Variants in PLB1 observed in about 807,000 individuals in gnomAD.
PLB1 encodes phospholipase B1.
Under a neutral mutation model 227.4 loss-of-function variants are expected in PLB1, and 242 were observed. That is an observed-to-expected ratio of 1.06 (90% CI 0.96 to 1.18). The LOEUF (loss-of-function observed/expected upper bound fraction) is 1.18, where lower values mean the gene tolerates loss of function less well. Among genes scored for constraint, PLB1 ranks in the 50% most tolerant of loss-of-function variants. PLB1 has a pLI of 0.00. For missense variants in PLB1, 1,858 were observed against 1,816.3 expected, an observed-to-expected ratio of 1.02 and a Z score of -0.42; for synonymous variants, 757 against 682.2, an observed-to-expected ratio of 1.11 and a Z score of -1.71.
At chr2:28,516,905 G>T (rs1351610348) in intron 2 of PLB1, 36 bp downstream of exon 2, 10 of 1,595,246 alleles carry the variant, frequency 6.3e-6, no homozygotes, top group Non-Finnish European at 8.6e-6. Context: ...GCGTGTGTAT[G>T]GAGGGGAGAG....
At chr2:28,516,052 T>C (rs990594858) in intron 1 of PLB1, among the ~76,000 whole-genome samples, 3 of 152,204 alleles carry the variant, frequency 2.0e-5, no homozygotes, top group African/African-American at 7.2e-5. Flanking sequence ...GTGGGTGTTT[T>C]TTTCCGCTTT....
Position 28,519,672 on chromosome 2 carries a change from C to G in PLB1, c.185-33C>G, listed in dbSNP as rs183727150. ...GGCCGACATCATGGGGAATGTAGAT[C>G]TGACCTTCCTATATGGGTTCTTGTC... On this transcript the variant is annotated intron_variant, in intron 3 of 57. Coordinates refer to ENST00000327757, the MANE Select transcript of PLB1 (RefSeq NM_153021.5). 3 of 1,529,772 alleles carry G rather than the reference C, an allele frequency of 2.0e-6. No individual in the cohort carries two copies. The Admixed American group carries it at 5.0e-5, about 26-fold the overall frequency. The allele number at this position is 1,529,772 out of a possible 1,614,324, so 94.8% of individuals were successfully genotyped here.
intron 33 of PLB1, chr2:28,594,551 T>G (rs982400338): frequency 6.4e-6 from 1 of 156,772 alleles, no homozygotes; most frequent in African/African-American, 2.4e-5. Flanking sequence ...TCAGTTTGCT[T>G]CCTGGGGAAG....
In PLB1 at chr2:28,620,591, C is replaced by T. The variant is rs764229126; in HGVS notation, c.3384-9C>T. 17 of 1,612,414 alleles carry T rather than the reference C, an allele frequency of 1.1e-5. No individual in the cohort carries two copies. In the South Asian group the frequency reaches 1.7e-4, roughly 16 times the overall value. On this transcript the variant is annotated splice_polypyrimidine_tract_variant and intron_variant, in intron 47 of 57. Transcript: ENST00000327757. ...TGTGAGTTTAACAAATATGCTTTCT[C>T]CTCCCCAGCATTGGAGGGGATGGGA...
At chr2:28,623,295 CCA>C (rs1443180516) in intron 49 of PLB1, among the ~76,000 whole-genome samples, 1 of 151,624 alleles carries the variant, frequency 6.6e-6, no homozygotes, top group Admixed American at 6.6e-5. Context: ...ATCAGGGAGC[CCA>C]GAGAGGAGGC....
At chr2:28,531,669 T>G (rs1249527564) in intron 8 of PLB1, among the ~76,000 whole-genome samples, 1 of 152,216 alleles carries the variant, frequency 6.6e-6, no homozygotes, top group Non-Finnish European at 1.5e-5. Context: ...CCATGATAAT[T>G]ACATTTTTCA....
chr2:28,585,473 C>T (rs11690222), intron 25 of PLB1: 28,809 of 310,492 alleles, frequency 0.093, 1,496 homozygotes, highest in African/African-American at 0.11. Flanking sequence ...GACGGGGTTT[C>T]GCTATGTCAG....
chr2:28,514,973 C>T (rs949042557), intron 1 of PLB1, among the ~76,000 whole-genome samples: 1 of 152,120 alleles, frequency 6.6e-6, no homozygotes, highest in Non-Finnish European at 1.5e-5. Context: ...AGCCACCATG[C>T]CTTGCCACCT....
chr2:28,602,893 C>T lies in PLB1; in HGVS notation c.2746C>T (p.Pro916Ser), dbSNP rs778172356. The T allele has an allele frequency of 3.7e-6, 6 of 1,614,152 alleles. No homozygotes were observed. In the Admixed American group the frequency reaches 1.0e-4, roughly 27 times the overall value. Residue 916 changes from proline to serine, a missense_variant, in exon 39 of 58, where the codon CCA becomes TCA. Pro to Ser is a moderately conservative substitution (Grantham distance 74). Coordinates refer to ENST00000327757, the MANE Select transcript of PLB1 (RefSeq NM_153021.5). ...TIMRQVFLGN[P>S]DKCPVQQASV... ...CATGCGGCAGGTGTTCCTGGGAAAC[C>T]CAGACAAGTGCCCAGTGCAGCAGGC...
In PLB1 at chr2:28,591,136, C is replaced by A. The variant is rs1043428548; in HGVS notation, c.2092C>A (p.Gln698Lys). Residue 698 changes from glutamine to lysine, a missense_variant, in exon 30 of 58, where the codon CAG (glutamine) becomes AAG (lysine). Coordinates refer to ENST00000327757, the MANE Select transcript of PLB1 (RefSeq NM_153021.5). ...KINITCPNQV[Q>K]PFLRTYKNSM... ...GCTCACCCCCCTCTCCTCACAGGTC[C>A]AGCCGTTTCTGAGGACCTACAAGAA... The A allele has an allele frequency of 1.9e-6, 3 of 1,614,064 alleles. No homozygotes were observed. In the African/African-American group the frequency reaches 4.0e-5, roughly 22 times the overall value.
chr2:28,539,103 C>G lies in PLB1; in HGVS notation c.623C>G (p.Pro208Arg). ...CCTCTCTGTGTGTCCTCCTAGGTCC[C>G]CAGAGCATTTGTAAACCTGGTGGAC... ...GVLDYLQQEV[P>R]RAFVNLVDLS... Residue 208 changes from proline to arginine, a missense_variant, in exon 11 of 58, where the codon CCC becomes CGC. Coordinates refer to ENST00000327757, the MANE Select transcript of PLB1 (RefSeq NM_153021.5). The G allele has an allele frequency of 6.2e-7, 1 of 1,612,774 alleles. No individual in the cohort carries two copies. Among genetic ancestry groups the G allele is most frequent in the Non-Finnish European group, 8.5e-7 (1 of 1,178,726 alleles).
At chr2:28,521,144 C>T (rs1669479478) in intron 4 of PLB1, among the ~76,000 whole-genome samples, 2 of 152,178 alleles carry the variant, frequency 1.3e-5, no homozygotes, top group Admixed American at 6.5e-5. Flanking sequence ...CCTTGTATAT[C>T]TAGATCAGAT....
At chr2:28,642,114 G>A (rs961715506) in intron 57 of PLB1, among the ~76,000 whole-genome samples, 22 of 152,168 alleles carry the variant, frequency 1.4e-4, no homozygotes, top group Non-Finnish European at 3.2e-4. Context: ...TGGTTTCACC[G>A]TCTCTTACCT....
rs1415311956 is a variant in PLB1, at chr2:28,644,138, C to T, written c.*1077C>T. Reference sequence around the variant, plus strand: ...ATAAAAAAGAATCCAGGGAGGTAGACATCATCTGCATTGTAAACCTCTCTC... The same window carrying T: ...ATAAAAAAGAATCCAGGGAGGTAGATATCATCTGCATTGTAAACCTCTCTC... On this transcript the variant is annotated 3_prime_UTR_variant, in exon 58 of 58. Coordinates refer to ENST00000327757, the MANE Select transcript of PLB1 (RefSeq NM_153021.5). Among the ~76,000 whole-genome samples the T allele has an allele frequency of 1.3e-5, 2 of 152,182 alleles. No homozygotes were observed. Among genetic ancestry groups the T allele is most frequent in the African/African-American group, 4.8e-5 (2 of 41,436 alleles).
intron 41 of PLB1, among the ~76,000 whole-genome samples, chr2:28,605,328 G>A (rs1684516878): frequency 6.6e-6 from 1 of 152,132 alleles, no homozygotes; most frequent in Non-Finnish European, 1.5e-5. Flanking sequence ...GCCATCCCAA[G>A]AGCCTCACCT....
chr2:28,620,425 G>T, intron 47 of PLB1, 93 bp downstream of exon 47: 1 of 1,377,822 alleles, frequency 7.3e-7, no homozygotes, highest in Non-Finnish European at 9.9e-7. Context: ...GGATGCAGTT[G>T]GGTCCCCAGG....
intron 43 of PLB1, among the ~76,000 whole-genome samples, chr2:28,607,171 G>C (rs1006211982): frequency 5.3e-5 from 8 of 152,178 alleles, no homozygotes; most frequent in African/African-American, 1.9e-4. Context: ...GTGGGGGCAG[G>C]TTCTCATTGT....
In PLB1 at chr2:28,591,190, C is replaced by T. The variant is rs1209910112; in HGVS notation, c.2127+19C>T. Reference sequence around the variant, plus strand: ...CATGCAGGTACCTGCCTCTTGCCTCCTCTTGACTCACCAGGCAATGCAATG... The same window carrying T: ...CATGCAGGTACCTGCCTCTTGCCTCTTCTTGACTCACCAGGCAATGCAATG... On this transcript the variant is annotated intron_variant, in intron 30 of 57. Coordinates refer to ENST00000327757, the MANE Select transcript of PLB1 (RefSeq NM_153021.5). 5.0e-6 allele frequency: 8 copies of T among 1,613,948 alleles called. No individual in the cohort carries two copies. The highest frequency in any genetic ancestry group is 5.1e-6 in the Non-Finnish European group (6 of 1,179,940).
chr2:28,608,206 G>T (rs1445872734), intron 43 of PLB1, among the ~76,000 whole-genome samples: 1 of 152,224 alleles, frequency 6.6e-6, no homozygotes, highest in Non-Finnish European at 1.5e-5. Context: ...CAACATTGGA[G>T]CCCATTCTGA....
Sources: gnomAD v4.1 joint callset for allele counts (sites outside exome capture counted in the v4.1 genomes callset) on GRCh38, gnomAD v4.1.1 for gene constraint, MANE v1.5 for transcripts, NCBI Gene and HGNC (gene_info 2026-07-23, HGNC 2026-07-21) for gene names.